PCDH7: variants seen among roughly 807,000 people sequenced by gnomAD.
PCDH7 encodes protocadherin-7.
PCDH7 carries 17 observed loss-of-function variants against 58.9 expected under a neutral mutation model. That is an observed-to-expected ratio of 0.29 (90% CI 0.20 to 0.43). The LOEUF is 0.43. PCDH7 is among the 20% of genes least tolerant of loss of function. The pLI is 1.00. For missense variants in PCDH7, 1,274 were observed against 1,441.0 expected, an observed-to-expected ratio of 0.88 and a Z score of 1.88; for synonymous variants, 664 against 616.4, an observed-to-expected ratio of 1.08 and a Z score of -1.14.
Position 30,722,995 on chromosome 4 carries a change from G to C in PCDH7, c.1573G>C (p.Val525Leu). The change falls in exon 1 of 2, where the codon GTG becomes CTG. Residue 525 changes from valine to leucine, a missense_variant. By Grantham distance (32) the Val-to-Leu change is conservative (BLOSUM62 1). Coordinates refer to ENST00000361762, the Ensembl canonical transcript of PCDH7. This position sits in a 1 kb window ranked among gnomAD's most constrained non-coding sequence, Gnocchi z 7.6. ...GAGCAACAACTCCCTGATTGTCAAG[G>C]TGGGAGACACCAACGACAACCCGCC... 1.2e-6 allele frequency: 2 copies of C among 1,613,888 alleles called. No individual in the cohort carries two copies. Among genetic ancestry groups the C allele is most frequent in the Non-Finnish European group, 1.7e-6 (2 of 1,180,054 alleles).
At chr4:31,069,675 G>C (rs1284342413) in intron 3 of PCDH7, among the ~76,000 whole-genome samples, 4 of 151,866 alleles carry the variant, frequency 2.6e-5, no homozygotes, top group Non-Finnish European at 5.9e-5. Flanking sequence ...TTCTTTAAAA[G>C]TTGAAGCCTA....
chr4:30,764,926 G>A (rs1720512360), intron 1 of PCDH7, among the ~76,000 whole-genome samples: 2 of 151,822 alleles, frequency 1.3e-5, no homozygotes, highest in Non-Finnish European at 2.9e-5. Flanking sequence ...TCACCACGTT[G>A]GTCAGGATGG....
chr4:31,088,507 T>A (rs1199214351), intron 3 of PCDH7, among the ~76,000 whole-genome samples: 1 of 152,020 alleles, frequency 6.6e-6, no homozygotes, highest in African/African-American at 2.4e-5. Context: ...TGTGTTGTAT[T>A]TGTATACACC....
intron 3 of PCDH7, among the ~76,000 whole-genome samples, chr4:31,013,049 T>A (rs1753312374): frequency 6.7e-6 from 1 of 149,940 alleles, no homozygotes; most frequent in African/African-American, 2.4e-5. Context: ...TAGCCAGGCA[T>A]AGTGGCACAT....
chr4:31,087,725 C>A (rs1196222900), intron 3 of PCDH7, among the ~76,000 whole-genome samples: 1 of 152,060 alleles, frequency 6.6e-6, no homozygotes, highest in Non-Finnish European at 1.5e-5. Flanking sequence ...TCGATTAATT[C>A]AGAATTTCAT....
chr4:31,107,113 C>T (rs1441933166), intron 3 of PCDH7, among the ~76,000 whole-genome samples: 2 of 151,888 alleles, frequency 1.3e-5, no homozygotes, highest in African/African-American at 4.8e-5. Flanking sequence ...AGTTCTTGTT[C>T]AAAAGTTTAA....
rs79756879 is a variant in PCDH7 at position 30,959,595 on chromosome 4, A to G, written c.*7+9380A>G. On this transcript the variant is annotated intron_variant, in intron 3 of 3. Coordinates refer to the PCDH7 transcript ENST00000509759. ...CTGCAGTTGCATGAATATAATACTTATAAGTAAAATGTGTAGGCTACTTTT... is the reference window on the plus strand; with the variant it reads ...CTGCAGTTGCATGAATATAATACTTGTAAGTAAAATGTGTAGGCTACTTTT... 6.9e-3 allele frequency among the ~76,000 whole-genome samples: 1,052 copies of G among 152,308 alleles called. 11 individuals carry two copies. Among genetic ancestry groups the G allele is most frequent in the African/African-American group, 0.023 (961 of 41,576 alleles).
exon 1 of PCDH7, chr4:30,724,041 T>C (rs1395607351): frequency 6.2e-7 from 1 of 1,614,038 alleles, no homozygotes; most frequent in East Asian, 2.2e-5. Context: ...GCTATGAAAT[T>C]AGCAAACAGA....
chr4:30,742,987 T>C (rs528118840), intron 1 of PCDH7, among the ~76,000 whole-genome samples: 2 of 152,300 alleles, frequency 1.3e-5, no homozygotes, highest in African/African-American at 4.8e-5. Flanking sequence ...TCTTTATCTC[T>C]GTTCTTTAAT....
chr4:30,728,290 T>C (rs962932481), intron 1 of PCDH7, among the ~76,000 whole-genome samples: 256 of 93,754 alleles, frequency 2.7e-3, no homozygotes, highest in African/African-American at 9.6e-3. Context: ...TATATATATA[T>C]ATATATAGAG....
chr4:30,814,253 C>A (rs1443877334), intron 1 of PCDH7, among the ~76,000 whole-genome samples: 1 of 151,636 alleles, frequency 6.6e-6, no homozygotes, highest in East Asian at 1.9e-4. Flanking sequence ...AAGTAATACG[C>A]CTATATTAAA....
chr4:30,935,375 G>T (rs913196612), intron 2 of PCDH7: 1 of 964,572 alleles, frequency 1.0e-6, no homozygotes. Context: ...TTTTGAATTC[G>T]CTATTGGTTT....
At chr4:30,922,235 T>A (rs1743276711) in intron 2 of PCDH7, among the ~76,000 whole-genome samples, 1 of 151,862 alleles carries the variant, frequency 6.6e-6, no homozygotes, top group Non-Finnish European at 1.5e-5. Flanking sequence ...AAATAGAGCA[T>A]ACCTAGGAAG....
At position 30,722,892 on chromosome 4, in the gene PCDH7, G is replaced by C. The variant is rs549551849; in HGVS notation, c.1470G>C (p.Ser490=). The C allele has an allele frequency of 6.3e-5, 101 of 1,613,786 alleles. 2 individuals are homozygous for C. The South Asian group carries it at 9.7e-4, about 15-fold the overall frequency. ...AGAAAAAGTACTTCTTGCACACCTC[G>C]ACCCCTCTGGACTATGAGGCCACCC... The change falls in exon 1 of 2, where the codon TCG becomes TCC. Residue 490 remains serine (S), a synonymous_variant. Transcript: ENST00000361762. The surrounding 1 kb of genome is among the most constrained non-coding windows in gnomAD (Gnocchi z 7.6).
At chr4:31,146,780 A>C (rs566477922), downstream of PCDH7, 9 of 152,312 alleles carry the variant, frequency 5.9e-5, no homozygotes, top group African/African-American at 2.2e-4. Flanking sequence ...GCAAATTAAA[A>C]TATAACATGG....
intron 3 of PCDH7, among the ~76,000 whole-genome samples, chr4:31,127,129 G>A (rs1718408370): frequency 6.6e-6 from 1 of 152,168 alleles, no homozygotes; most frequent in Non-Finnish European, 1.5e-5. Flanking sequence ...GTGGCAGATG[G>A]TGGAGACGAA....
At chr4:30,975,686 T>C (rs1488240966) in intron 3 of PCDH7, among the ~76,000 whole-genome samples, 1 of 152,216 alleles carries the variant, frequency 6.6e-6, no homozygotes, top group African/African-American at 2.4e-5. Context: ...CAGCTTCGAA[T>C]TGGTTTACTT....
chr4:31,021,754 T>G (rs957788007), intron 3 of PCDH7, among the ~76,000 whole-genome samples: 1 of 152,088 alleles, frequency 6.6e-6, no homozygotes, highest in Non-Finnish European at 1.5e-5. Flanking sequence ...CACGAGTGTC[T>G]CTAATTTCAA....
intron 1 of PCDH7, among the ~76,000 whole-genome samples, chr4:30,902,587 G>A (rs184251142): frequency 3.0e-4 from 45 of 152,070 alleles, no homozygotes; most frequent in Non-Finnish European, 5.3e-4. Flanking sequence ...CAGATTATGG[G>A]TCCCAAAGTG....
Sources: allele counts gnomAD v4.1 joint callset (sites outside exome capture counted in the v4.1 genomes callset), GRCh38; gene constraint gnomAD v4.1.1; non-coding constraint Gnocchi (gnomAD v3.1); transcripts MANE v1.5; gene names NCBI Gene and HGNC (gene_info 2026-07-23, HGNC 2026-07-21).